Variants in WIPI1 observed in about 807,000 individuals in gnomAD.
The protein encoded by WIPI1 is WD repeat domain, phosphoinositide interacting 1, also known as WD repeat domain phosphoinositide-interacting protein 1.
In WIPI1, 45 loss-of-function variants were observed where a neutral mutation model predicts 55.3. The ratio of observed to expected loss-of-function variants is 0.81; its 90% CI spans 0.64 to 1.04. The LOEUF (loss-of-function observed/expected upper bound fraction) is 1.04, where lower values mean the gene tolerates loss of function less well. Ranked by LOEUF, WIPI1 falls within the 50% of genes least tolerant of loss-of-function variation. The pLI is 0.00. For synonymous variants in WIPI1, 195 were observed against 217.6 expected, an observed-to-expected ratio of 0.90 and a Z score of 0.92; for missense variants, 445 against 559.0, an observed-to-expected ratio of 0.80 and a Z score of 2.06.
chr17:68,451,219 C>T (rs2147991507), intron 2 of WIPI1, among the ~76,000 whole-genome samples: 1 of 152,296 alleles, frequency 6.6e-6, no homozygotes, highest in South Asian at 2.1e-4. Context: ...TCACTTGAGG[C>T]CAGGAGTTCA....
chr17:68,433,270 G>A (rs888365810), intron 8 of WIPI1, among the ~76,000 whole-genome samples, 198 bp downstream of exon 8: 5 of 152,254 alleles, frequency 3.3e-5, no homozygotes, highest in South Asian at 2.1e-4. Flanking sequence ...GTGAACTCAC[G>A]TGGGTGGCTC....
Position 68,450,786 on chromosome 17 carries a change from G to T in WIPI1, c.275C>A (p.Thr92Lys), listed in dbSNP as rs2084469930. The T allele has an allele frequency of 6.2e-7, 1 of 1,613,978 alleles. No individual in the cohort carries two copies. The highest frequency in any genetic ancestry group is 2.2e-5 in the East Asian group (1 of 44,866). The change falls in exon 3 of 13, where the codon ACA becomes AAA. Residue 92 changes from threonine (T) to lysine (K), a missense_variant. Thr to Lys is a moderately conservative substitution (Grantham distance 78). Transcript: ENST00000262139. ...GGAGTAGCTGTAATTACAGATCTCT[G>T]TGCCTTTCTTGAAGTGATACACGTT... The part of the protein sequence containing the change: ...QMNVYHFKKG[T>K]EICNYSYSSN...
chr17:68,434,449 G>A, intron 7 of WIPI1, 107 bp downstream of exon 7: 1 of 1,089,824 alleles, frequency 9.2e-7, no homozygotes, highest in Non-Finnish European at 1.3e-6. Flanking sequence ...TCCTCCAGGT[G>A]AGTGGAGGGC....
At chr17:68,430,373 A>G (rs2083455561) in intron 8 of WIPI1, among the ~76,000 whole-genome samples, 1 of 152,220 alleles carries the variant, frequency 6.6e-6, no homozygotes, top group Non-Finnish European at 1.5e-5. Context: ...CAGAAGAGCC[A>G]TTGTAAAGCT....
intron 4 of WIPI1, among the ~76,000 whole-genome samples, chr17:68,439,775 A>G (rs1220104523): frequency 2.0e-5 from 3 of 152,170 alleles, no homozygotes; most frequent in African/African-American, 4.8e-5. Context: ...CTGCTCTTTC[A>G]GGCCTGTTTC....
rs1278364049 is a variant in WIPI1 at position 68,429,976 on chromosome 17, G to A, written c.965+20C>T. ...TGACGAAAGTGTGGTCTTGTTCAGAGTGGGTGTCATTGTACGTACGTTGAG... is the reference window on the plus strand; with the variant it reads ...TGACGAAAGTGTGGTCTTGTTCAGAATGGGTGTCATTGTACGTACGTTGAG... On this transcript the variant is annotated intron_variant, in intron 9 of 12. Coordinates refer to ENST00000262139, the MANE Select transcript of WIPI1 (RefSeq NM_017983.7). 6.2e-7 allele frequency: 1 copy of A among 1,613,862 alleles called. No homozygotes were observed. Among genetic ancestry groups the A allele is most frequent in the African/African-American group, 1.3e-5 (1 of 74,920 alleles).
chr17:68,453,479 C>CT (rs112934024), intron 1 of WIPI1, among the ~76,000 whole-genome samples: 7,450 of 136,160 alleles, frequency 0.055, 411 homozygotes, highest in African/African-American at 0.13. Context: ...TTTTCTTTTC[C>CT]TTTTTTTTTT....
At chr17:68,424,516 TTG>T (rs1447802278) in intron 12 of WIPI1, 1 of 534,266 alleles carries the variant, frequency 1.9e-6, no homozygotes, top group East Asian at 5.4e-5. Flanking sequence ...CTAATGGACA[TTG>T]TTTCAGTGCC....
At chr17:68,432,423 GAGA>G (rs1011153614) in intron 8 of WIPI1, among the ~76,000 whole-genome samples, 8 of 152,218 alleles carry the variant, frequency 5.3e-5, no homozygotes, top group Admixed American at 2.0e-4. Flanking sequence ...GTGTCATGCT[GAGA>G]AGAAGACCCA....
rs2147773593 is a variant in WIPI1 at position 68,427,199 on chromosome 17, G to A, written c.1128C>T (p.Ser376=). ...EENKENDLRP[S]LPQSYAATVA... ...CGGTCGCTGCATAAGACTGAGGTAA[G>A]GAAGGTCTGAGGTCATTTTCTTTAT... Residue 376 remains serine, a synonymous_variant, in exon 11 of 13, where the codon TCC becomes TCT. Coordinates refer to ENST00000262139, the MANE Select transcript of WIPI1 (RefSeq NM_017983.7). The A allele has an allele frequency of 1.2e-6, 2 of 1,614,178 alleles. No homozygotes were observed. The highest frequency in any genetic ancestry group is 1.7e-6 in the Non-Finnish European group (2 of 1,180,034).
At chr17:68,424,646 C>CTG in intron 12 of WIPI1, 1 of 388,142 alleles carries the variant, frequency 2.6e-6, no homozygotes. Context: ...GAGGCCGAGA[C>CTG]GAGTGGATCA....
chr17:68,446,502 G>T (rs1349584880), intron 3 of WIPI1, among the ~76,000 whole-genome samples: 4 of 152,074 alleles, frequency 2.6e-5, no homozygotes, highest in Non-Finnish European at 5.9e-5. Context: ...TTTACCTAAG[G>T]CTCTGTCGTA....
rs140000353 is a variant in WIPI1 at position 68,430,688 on chromosome 17, T to C, written c.801-528A>G. 1.1e-3 allele frequency among the ~76,000 whole-genome samples: 161 copies of C among 152,274 alleles called. 1 individual carries two copies. The highest frequency in any genetic ancestry group is 3.6e-3 in the African/African-American group (151 of 41,568). On this transcript the variant is annotated intron_variant, in intron 8 of 12. Transcript: ENST00000262139. ...CCAGCATGTGTAATGATGGAGATCATGCAAAGGGACCTGGGATGTCGCCTA... is the reference window on the plus strand; with the variant it reads ...CCAGCATGTGTAATGATGGAGATCACGCAAAGGGACCTGGGATGTCGCCTA...
chr17:68,425,922 A>G, intron 12 of WIPI1, 153 bp downstream of exon 12: 2 of 652,688 alleles, frequency 3.1e-6, no homozygotes, highest in South Asian at 3.8e-5. Flanking sequence ...CACACAGTAC[A>G]ACAAATATCC....
chr17:68,437,147 A>T (rs1447651395), intron 4 of WIPI1, among the ~76,000 whole-genome samples: 1 of 152,108 alleles, frequency 6.6e-6, no homozygotes, highest in East Asian at 1.9e-4. Flanking sequence ...AACTGAAATA[A>T]ATCTTCCTAT....
chr17:68,437,948 TAAAAAAA>T (rs199649033), intron 4 of WIPI1, among the ~76,000 whole-genome samples: 34,195 of 79,840 alleles, frequency 0.43, 5,806 homozygotes, highest in Admixed American at 0.58. Flanking sequence ...ACATCTCTCT[TAAAAAAA>T]AAAAAAAAAA....
At chr17:68,430,656 C>T (rs2083467117) in intron 8 of WIPI1, among the ~76,000 whole-genome samples, 1 of 152,160 alleles carries the variant, frequency 6.6e-6, no homozygotes. Flanking sequence ...TGGAGTCACC[C>T]AGGTACCCAG....
chr17:68,452,888 G>A (rs779970770), intron 2 of WIPI1, 22 bp downstream of exon 2: 3 of 1,609,172 alleles, frequency 1.9e-6, no homozygotes, highest in Non-Finnish European at 2.5e-6. Flanking sequence ...AGATCCCTGA[G>A]GTCTCTCTCA....
At chr17:68,426,254 G>GGGGCCCCCCCCCCCCCCCC in intron 11 of WIPI1, 79 bp from the exon 12 acceptor site, 1 of 816,912 alleles carries the variant, frequency 1.2e-6, no homozygotes, top group Non-Finnish European at 1.9e-6. Context: ...GGGAGCGGGG[G>GGGGCCCCCCCCCCCCCCCC]CTCAAATAAA....
Sources: allele counts gnomAD v4.1 joint callset (sites outside exome capture counted in the v4.1 genomes callset), GRCh38; gene constraint gnomAD v4.1.1; transcripts MANE v1.5; gene names NCBI Gene and HGNC (gene_info 2026-07-23, HGNC 2026-07-21).